Variants in DRC9 observed in about 807,000 individuals in gnomAD.
DRC9 encodes the protein dynein regulatory complex subunit 9.
the DRC9 span, among the ~76,000 whole-genome samples, chr3:197,927,124 A>C: frequency 6.6e-6 from 1 of 152,220 alleles, no homozygotes; most frequent in South Asian, 2.1e-4. Flanking sequence ...ACAAACAAAA[A>C]ATAGCAAAAC....
the DRC9 span, chr3:197,912,946 C>A: frequency 1.7e-6 from 1 of 581,122 alleles, no homozygotes; most frequent in East Asian, 2.9e-5. Context: ...TGCGTGTGTC[C>A]CTAACGAGAC....
the DRC9 span, chr3:197,938,855 T>C: frequency 9.8e-7 from 1 of 1,023,540 alleles, no homozygotes; most frequent in Non-Finnish European, 1.5e-6. Context: ...TTTGTGTACA[T>C]TTTTCAACAT....
At chr3:197,904,055 T>TATATATATACATAC in the DRC9 span, among the ~76,000 whole-genome samples, 1 of 78,760 alleles carries the variant, frequency 1.3e-5, no homozygotes, top group Admixed American at 1.4e-4. Flanking sequence ...TATACATACA[T>TATATATATACATAC]ATATATATAT....
chr3:197,958,785 A>T, the DRC9 span: 1 of 152,222 alleles, frequency 6.6e-6, no homozygotes, highest in Non-Finnish European at 1.5e-5. Flanking sequence ...GTATGTTTTT[A>T]TGTTTTTCTC....
At chr3:197,951,345 T>C in the DRC9 span, 1 of 1,609,054 alleles carries the variant, frequency 6.2e-7, no homozygotes, top group Non-Finnish European at 8.5e-7. Flanking sequence ...TTTGGGTTTT[T>C]GAGATCTGCC....
the DRC9 span, chr3:197,953,642 TG>T: frequency 2.3e-6 from 1 of 442,040 alleles, no homozygotes; most frequent in East Asian, 6.8e-5. Context: ...AGACCTTCCT[TG>T]GCTATTTAAA....
At chr3:197,932,958 T>TATTATATATTAC in the DRC9 span, among the ~76,000 whole-genome samples, 1 of 60,220 alleles carries the variant, frequency 1.7e-5, no homozygotes, top group African/African-American at 5.3e-4. Context: ...TATTATATAT[T>TATTATATATTAC]ATTATATATT....
At chr3:197,921,333 CTTCTT>C in the DRC9 span, among the ~76,000 whole-genome samples, 7 of 115,802 alleles carry the variant, frequency 6.0e-5, 2 homozygotes, top group African/African-American at 3.2e-4. Flanking sequence ...AACTTGGTTT[CTTCTT>C]GGTCGACCCG....
At chr3:197,891,687 A>AT in the DRC9 span, 3 of 446,822 alleles carry the variant, frequency 6.7e-6, no homozygotes, top group Non-Finnish European at 1.2e-5. Flanking sequence ...AATGTAATAG[A>AT]TTCCTAGATG....
the DRC9 span, among the ~76,000 whole-genome samples, chr3:197,916,935 T>G: frequency 6.6e-6 from 1 of 151,648 alleles, no homozygotes; most frequent in Non-Finnish European, 1.5e-5. Context: ...TAAGAAAGTT[T>G]ACGAATTTGT....
the DRC9 span, chr3:197,958,755 A>T: frequency 6.6e-6 from 1 of 152,376 alleles, no homozygotes; most frequent in African/African-American, 2.4e-5. Flanking sequence ...GAGATGATGC[A>T]GCATTTGTAA....
chr3:197,904,586 C>T, the DRC9 span, among the ~76,000 whole-genome samples: 4 of 151,980 alleles, frequency 2.6e-5, no homozygotes, highest in African/African-American at 7.3e-5. Flanking sequence ...AAGGTGGGGC[C>T]GGGCGTGGTG....
At chr3:197,953,544 T>C in the DRC9 span, 1 of 457,294 alleles carries the variant, frequency 2.2e-6, no homozygotes, top group Non-Finnish European at 4.4e-6. Context: ...ACACACTCCT[T>C]GGCCCCAGTG....
chr3:197,929,434 AC>A, the DRC9 span, among the ~76,000 whole-genome samples: 1 of 152,154 alleles, frequency 6.6e-6, no homozygotes, highest in Non-Finnish European at 1.5e-5. This position sits in a 1 kb window ranked among gnomAD's most constrained non-coding sequence, Gnocchi z 4.6. Flanking sequence ...TTAAATACAA[AC>A]GGACAGCCAA....
At chr3:197,954,252 T>A in the DRC9 span, 1 of 1,131,578 alleles carries the variant, frequency 8.8e-7, no homozygotes, top group Non-Finnish European at 1.3e-6. Flanking sequence ...TTGACACCAG[T>A]AAATTATGCT....
the DRC9 span, among the ~76,000 whole-genome samples, chr3:197,951,894 C>T: frequency 1.3e-5 from 2 of 150,248 alleles, no homozygotes; most frequent in South Asian, 2.1e-4. Flanking sequence ...GAATGGGTTT[C>T]CCCATGTTGG....
chr3:197,919,842 G>A, the DRC9 span, among the ~76,000 whole-genome samples: 7 of 152,042 alleles, frequency 4.6e-5, no homozygotes, highest in Non-Finnish European at 1.5e-5. Context: ...GGTAGCAAAA[G>A]GAAAATGGTA....
At chr3:197,946,973 C>T in the DRC9 span, among the ~76,000 whole-genome samples, 16 of 152,206 alleles carry the variant, frequency 1.1e-4, no homozygotes, top group African/African-American at 3.6e-4. Context: ...CAGGCTCACA[C>T]CACCATTTTG....
chr3:197,889,469 A>G, the DRC9 span: 10 of 1,269,488 alleles, frequency 7.9e-6, no homozygotes, highest in South Asian at 5.3e-5. Flanking sequence ...GAAAGTCTCA[A>G]TAGGAAACAA....
Sources: allele counts gnomAD v4.1 joint callset (sites outside exome capture counted in the v4.1 genomes callset), GRCh38; gene constraint gnomAD v4.1.1; non-coding constraint Gnocchi (gnomAD v3.1); transcripts MANE v1.5; gene names NCBI Gene and HGNC (gene_info 2026-07-23, HGNC 2026-07-21).